Variants in SLCO6A1 observed in about 807,000 individuals in gnomAD.
The protein encoded by SLCO6A1 is cancer/testis antigen 48.
A neutral mutation model predicts 72.7 loss-of-function variants in SLCO6A1; 65 were observed. The ratio of observed to expected loss-of-function variants is 0.89; its 90% CI spans 0.73 to 1.10. SLCO6A1 has a LOEUF of 1.10. SLCO6A1 is among the 50% of genes least tolerant of loss of function. The pLI is 0.00. For synonymous variants in SLCO6A1, 314 were observed against 298.2 expected (o/e 1.05, Z -0.55); for missense variants, 874 against 872.6 (o/e 1.00, Z -0.02).
rs1750729991 is a variant in SLCO6A1, at chr5:102,373,363, T to C, written c.2149A>G (p.Thr717Ala). The C allele has an allele frequency of 6.4e-7, 1 of 1,561,546 alleles. No homozygotes were observed. The highest frequency in any genetic ancestry group is 2.4e-5 in the East Asian group (1 of 42,402). Residue 717 changes from threonine (T) to alanine (A), a missense_variant, in exon 13 of 14, where the codon ACT (threonine) becomes GCT (alanine). Physicochemically the swap from Thr to Ala is moderately conservative, Grantham distance 58 (BLOSUM62 0). Transcript: ENST00000506729. ...KNPKVKKKEE[T>A]DL ...CAATGATGATCCAGTTACAAGTCAG[T>C]TTCTTCTTTTTTCTTAACTTTTGGA...
At chr5:102,391,110 G>A in intron 10 of SLCO6A1, 65 bp from the exon 11 acceptor site, 1 of 1,404,284 alleles carries the variant, frequency 7.1e-7, no homozygotes, top group Non-Finnish European at 1.0e-6. Context: ...ATGTATGCTA[G>A]ATTCAAGGCT....
At chr5:102,380,204 T>C (rs1264733926) in intron 12 of SLCO6A1, among the ~76,000 whole-genome samples, 1 of 151,950 alleles carries the variant, frequency 6.6e-6, no homozygotes, top group Non-Finnish European at 1.5e-5. Flanking sequence ...TATATGTATA[T>C]ATTATATTTC....
chr5:102,470,836 T>C (rs576603231), intron 4 of SLCO6A1, among the ~76,000 whole-genome samples: 5 of 152,176 alleles, frequency 3.3e-5, no homozygotes, highest in African/African-American at 4.8e-5. Context: ...CTCTCAGCCA[T>C]GGAATCCAGC....
At chr5:102,492,364 T>G (rs896677156) in intron 1 of SLCO6A1, among the ~76,000 whole-genome samples, 3 of 152,204 alleles carry the variant, frequency 2.0e-5, no homozygotes, top group Non-Finnish European at 4.4e-5. Context: ...TTTGATGACC[T>G]CCTCAGTAGA....
In SLCO6A1 at chr5:102,478,570, T is replaced by C. The variant is rs150739700; in HGVS notation, c.617-709A>G. Among the ~76,000 whole-genome samples the C allele has an allele frequency of 8.1e-3, 1,235 of 152,334 alleles. 13 individuals are homozygous for C. The highest frequency in any genetic ancestry group is 0.015 in the Non-Finnish European group (1,007 of 68,016). ...TTCTTTCCGTTAGAGTTAGTCATTA[T>C]GTGGTCATCCACTAGATTTTAATAT... On this transcript the variant is annotated intron_variant, in intron 2 of 13. Transcript: ENST00000506729.
intron 4 of SLCO6A1, among the ~76,000 whole-genome samples, chr5:102,471,605 C>T (rs1031243863): frequency 2.0e-5 from 3 of 152,050 alleles, no homozygotes; most frequent in African/African-American, 7.2e-5. Flanking sequence ...TTTCCTAAAG[C>T]CTTAATCCCA....
chr5:102,479,050 T>C (rs1378031167), intron 2 of SLCO6A1, among the ~76,000 whole-genome samples: 1 of 152,204 alleles, frequency 6.6e-6, no homozygotes, highest in East Asian at 1.9e-4. Context: ...GCTAGTTATA[T>C]GTTTTGGCTC....
chr5:102,372,944 T>C (rs577456334), intron 13 of SLCO6A1, among the ~76,000 whole-genome samples: 13 of 151,872 alleles, frequency 8.6e-5, no homozygotes, highest in Non-Finnish European at 1.8e-4. Flanking sequence ...GTGGCAAATA[T>C]ACTTTTATTT....
chr5:102,444,439 CA>C (rs959864397), intron 6 of SLCO6A1, among the ~76,000 whole-genome samples: 1 of 152,110 alleles, frequency 6.6e-6, no homozygotes, highest in Admixed American at 6.6e-5. Flanking sequence ...AAGAGGAGAC[CA>C]ATAAATCACT....
At chr5:102,412,831 A>G (rs987055564) in intron 9 of SLCO6A1, among the ~76,000 whole-genome samples, 159 bp downstream of exon 9, 1 of 152,024 alleles carries the variant, frequency 6.6e-6, no homozygotes, top group African/African-American at 2.4e-5. Context: ...AAAGGGGAAA[A>G]TAAGAAAAAA....
At chr5:102,438,887 TGA>T in intron 6 of SLCO6A1, 126 bp from the exon 7 acceptor site, 1 of 488,632 alleles carries the variant, frequency 2.0e-6, no homozygotes, top group Non-Finnish European at 3.5e-6. Flanking sequence ...AAAAGATAAT[TGA>T]TAGATAGATG....
intron 7 of SLCO6A1, among the ~76,000 whole-genome samples, chr5:102,426,038 A>C (rs1309150463): frequency 6.6e-6 from 1 of 152,212 alleles, no homozygotes; most frequent in Admixed American, 6.5e-5. Context: ...CTATTTTATA[A>C]ATGGTGCTGG....
chr5:102,396,779 A>T (rs1747108221), intron 10 of SLCO6A1, among the ~76,000 whole-genome samples: 1 of 152,140 alleles, frequency 6.6e-6, no homozygotes, highest in African/African-American at 2.4e-5. Flanking sequence ...TCCAATAGTG[A>T]CATCTTATAT....
intron 13 of SLCO6A1, among the ~76,000 whole-genome samples, chr5:102,373,002 G>T (rs950405915): frequency 7.3e-5 from 11 of 151,680 alleles, no homozygotes; most frequent in Admixed American, 2.0e-4. Context: ...AAAGTACTAA[G>T]AATAAGCTAA....
chr5:102,459,449 G>A (rs1030840047), intron 5 of SLCO6A1, among the ~76,000 whole-genome samples: 2 of 151,952 alleles, frequency 1.3e-5, no homozygotes, highest in African/African-American at 4.8e-5. Context: ...AGAAATTCTG[G>A]TACATAAATC....
At chr5:102,434,712 T>C (rs933978919) in intron 7 of SLCO6A1, among the ~76,000 whole-genome samples, 2 of 152,180 alleles carry the variant, frequency 1.3e-5, no homozygotes, top group African/African-American at 4.8e-5. Flanking sequence ...GACAGCTCCA[T>C]AGAAAGTACC....
chr5:102,438,076 C>G (rs1749640942), intron 7 of SLCO6A1, among the ~76,000 whole-genome samples: 1 of 152,024 alleles, frequency 6.6e-6, no homozygotes, highest in South Asian at 2.1e-4. Context: ...CTTTTCATTA[C>G]TACGCTGGTT....
In SLCO6A1 at chr5:102,459,639, T is replaced by G; in HGVS notation, c.1021+17A>C. ...AACTACTATCCTCCAATTTAATAAATTACATTTTATAGTCACCTGGCATAT... is the reference window on the plus strand; with the variant it reads ...AACTACTATCCTCCAATTTAATAAAGTACATTTTATAGTCACCTGGCATAT... On this transcript the variant is annotated intron_variant, in intron 5 of 13. Transcript: ENST00000506729. 1 of 1,570,314 alleles carries G rather than the reference T, an allele frequency of 6.4e-7. No homozygotes were observed. Among genetic ancestry groups the G allele is most frequent in the Non-Finnish European group, 8.6e-7 (1 of 1,164,804 alleles).
intron 7 of SLCO6A1, among the ~76,000 whole-genome samples, chr5:102,431,710 G>GT (rs892435265): frequency 6.6e-6 from 1 of 152,064 alleles, no homozygotes; most frequent in African/African-American, 2.4e-5. Flanking sequence ...ATATTCTGTT[G>GT]TTTTTTTGGT....
Sources: allele counts gnomAD v4.1 joint callset (sites outside exome capture counted in the v4.1 genomes callset), GRCh38; gene constraint gnomAD v4.1.1; transcripts MANE v1.5; gene names NCBI Gene and HGNC (gene_info 2026-07-23, HGNC 2026-07-21).